MECOM: variants seen among roughly 807,000 people sequenced by gnomAD.
MECOM encodes histone-lysine N-methyltransferase MECOM.
Under a neutral mutation model 116.3 loss-of-function variants are expected in MECOM, and 13 were observed. That is an observed-to-expected ratio of 0.11 (90% confidence interval 0.07 to 0.18). MECOM has a LOEUF of 0.18. Among genes scored for constraint, MECOM ranks in the 10% least tolerant of loss-of-function variants. The pLI is 1.00. For missense variants in MECOM, 1,299 were observed against 1,509.0 expected, an observed-to-expected ratio of 0.86 and a Z score of 2.31; for synonymous variants, 528 against 535.2, an observed-to-expected ratio of 0.99 and a Z score of 0.19.
rs551839510 is a variant in MECOM at position 169,516,466 on chromosome 3, T to G, written c.38-134942A>C. Reference sequence around the variant, plus strand: ...TTCTCCCATTTTTTTCAAGATCTTTTAGTTATCTGTAAATTTTTAGCAATA... The same window carrying G: ...TTCTCCCATTTTTTTCAAGATCTTTGAGTTATCTGTAAATTTTTAGCAATA... On this transcript the variant is annotated intron_variant, in intron 1 of 16. Coordinates refer to ENST00000651503, the MANE Select transcript of MECOM (RefSeq NM_004991.4). 1.2e-3 allele frequency among the ~76,000 whole-genome samples: 188 copies of G among 152,322 alleles called. 1 individual carries two copies. Among genetic ancestry groups the G allele is most frequent in the African/African-American group, 4.4e-3 (182 of 41,574 alleles).
chr3:169,545,812 T>C (rs1760661520), intron 1 of MECOM, among the ~76,000 whole-genome samples: 1 of 152,178 alleles, frequency 6.6e-6, no homozygotes, highest in African/African-American at 2.4e-5. Context: ...TGCCACTTGC[T>C]CTGACCATCC....
chr3:169,593,497 C>T (rs982185848), intron 1 of MECOM, among the ~76,000 whole-genome samples: 3 of 152,106 alleles, frequency 2.0e-5, no homozygotes, highest in African/African-American at 7.2e-5. Context: ...CTCACTATGG[C>T]CCATGACATA....
intron 2 of MECOM, among the ~76,000 whole-genome samples, chr3:169,242,414 G>A (rs1247778115): frequency 6.6e-6 from 1 of 152,114 alleles, no homozygotes; most frequent in Non-Finnish European, 1.5e-5. Context: ...CCCAAACAAA[G>A]CTACTAATGT....
intron 1 of MECOM, among the ~76,000 whole-genome samples, chr3:169,649,985 G>A (rs2110077944): frequency 6.6e-6 from 1 of 152,194 alleles, no homozygotes; most frequent in East Asian, 1.9e-4. Flanking sequence ...TCTGTGTAAA[G>A]GAATGGGCTG....
At chr3:169,411,665 G>A (rs1345813080) in intron 1 of MECOM, among the ~76,000 whole-genome samples, 1 of 152,198 alleles carries the variant, frequency 6.6e-6, no homozygotes, top group African/African-American at 2.4e-5. Flanking sequence ...GCAAGGCCAG[G>A]TGCCATCCAC....
intron 2 of MECOM, among the ~76,000 whole-genome samples, chr3:169,279,407 A>T (rs1462340785): frequency 6.6e-6 from 1 of 152,158 alleles, no homozygotes; most frequent in Non-Finnish European, 1.5e-5. Flanking sequence ...GTTGCTTGTT[A>T]CGTAGTTGTT....
intron 1 of MECOM, among the ~76,000 whole-genome samples, chr3:169,609,115 C>T (rs1189364874): frequency 6.6e-6 from 1 of 152,176 alleles, no homozygotes; most frequent in Non-Finnish European, 1.5e-5. Context: ...TCTCTTCTGA[C>T]TTTTACATCC....
chr3:169,287,297 C>T (rs1713525299), intron 2 of MECOM, among the ~76,000 whole-genome samples: 1 of 152,206 alleles, frequency 6.6e-6, no homozygotes, highest in African/African-American at 2.4e-5. Context: ...TTGCTTACCA[C>T]AGGGCCTGTC....
intron 11 of MECOM, among the ~76,000 whole-genome samples, 167 bp downstream of exon 11, chr3:169,101,893 C>T (rs1723681143): frequency 2.0e-5 from 3 of 152,076 alleles, no homozygotes; most frequent in Non-Finnish European, 4.4e-5. Context: ...TTTTTAAAAA[C>T]ACTATTTTTA....
chr3:169,407,317 T>A (rs1343640003), intron 1 of MECOM, among the ~76,000 whole-genome samples: 1 of 152,188 alleles, frequency 6.6e-6, no homozygotes, highest in Non-Finnish European at 1.5e-5. Flanking sequence ...TAAGGTTGGT[T>A]CAACCAACTC....
intron 2 of MECOM, among the ~76,000 whole-genome samples, chr3:169,238,423 G>C (rs1433740882): frequency 4.6e-5 from 7 of 152,148 alleles, no homozygotes; most frequent in African/African-American, 1.7e-4. Flanking sequence ...AAACATGAGA[G>C]AGCATCAAGT....
At chr3:169,578,136 C>A (rs1043446608) in intron 1 of MECOM, among the ~76,000 whole-genome samples, 2 of 152,024 alleles carry the variant, frequency 1.3e-5, no homozygotes, top group Admixed American at 1.3e-4. Flanking sequence ...AAATTATAAG[C>A]CCTGTTCATT....
chr3:169,276,552 C>CA (rs58452538), intron 2 of MECOM, among the ~76,000 whole-genome samples: 2,165 of 46,812 alleles, frequency 0.046, 54 homozygotes, highest in Non-Finnish European at 0.067. Flanking sequence ...GACTCTGCCT[C>CA]AAAAAAAAAA....
intron 2 of MECOM, among the ~76,000 whole-genome samples, chr3:169,309,451 CT>C (rs1253703669): frequency 6.6e-6 from 1 of 152,074 alleles, no homozygotes; most frequent in Non-Finnish European, 1.5e-5. Flanking sequence ...TTTTTCAGTC[CT>C]TTCTTCCAAA....
At position 169,587,426 on chromosome 3, in the gene MECOM, AACACACACACACAC is replaced by A. The variant is rs3980637; in HGVS notation, c.37+75896_37+75909del. Among the ~76,000 whole-genome samples the A allele has an allele frequency of 8.6e-3, 1,212 of 141,080 alleles. 21 individuals are homozygous for A. Among genetic ancestry groups the A allele is most frequent in the African/African-American group, 0.029 (1,080 of 37,812 alleles). 92.6% of individuals were successfully genotyped at this position (141,080 alleles called of 152,430 possible). A position where few individuals can be genotyped will look rare whatever the true frequency, so the allele number is the denominator to read the frequency against. On this transcript the variant is annotated intron_variant, in intron 1 of 16. Transcript: ENST00000651503. ...TTTATCACATGTAAACCCACACGCC[AACACACACACACAC>A]ACACACACACACACACACACACACA...
chr3:169,496,449 C>T (rs1287953250), intron 1 of MECOM, among the ~76,000 whole-genome samples: 1 of 152,134 alleles, frequency 6.6e-6, no homozygotes, highest in Non-Finnish European at 1.5e-5. Context: ...TCACCATGAT[C>T]CATACCTCAT....
At chr3:169,645,211 G>A (rs908649793) in intron 1 of MECOM, among the ~76,000 whole-genome samples, 7 of 152,148 alleles carry the variant, frequency 4.6e-5, no homozygotes, top group Admixed American at 6.5e-5. Flanking sequence ...GGCTACTGGC[G>A]TTCAACATCT....
rs764079114 is a variant in MECOM at position 169,121,016 on chromosome 3, G to C, written c.1132+40C>G. On this transcript the variant is annotated intron_variant, in intron 7 of 16. Transcript: ENST00000651503. Reference sequence around the variant, plus strand: ...TGGTCACAGTGCCTTTTGGGGAAGAGACAGATGTGGGAAGGAGGGCTGGAG... The same window carrying C: ...TGGTCACAGTGCCTTTTGGGGAAGACACAGATGTGGGAAGGAGGGCTGGAG... 3.8e-6 allele frequency: 6 copies of C among 1,562,522 alleles called. No homozygotes were observed. The East Asian group carries it at 1.4e-4, about 36-fold the overall frequency.
intron 2 of MECOM, among the ~76,000 whole-genome samples, chr3:169,361,607 A>C (rs567410265): frequency 6.6e-6 from 1 of 151,896 alleles, no homozygotes; most frequent in Non-Finnish European, 1.5e-5. Context: ...TATGAGGTAG[A>C]TCCTATTGTT....
Sources: gnomAD v4.1 joint callset for allele counts (sites outside exome capture counted in the v4.1 genomes callset) on GRCh38, gnomAD v4.1.1 for gene constraint, MANE v1.5 for transcripts, NCBI Gene and HGNC (gene_info 2026-07-23, HGNC 2026-07-21) for gene names.